Variants in GXYLT1 observed in about 807,000 individuals in gnomAD.
GXYLT1 encodes the protein glycosyltransferase 8 domain containing 3.
In GXYLT1, 29 loss-of-function variants were observed where a neutral mutation model predicts 54.0. That is an observed-to-expected ratio of 0.54 (90% CI 0.40 to 0.73). GXYLT1 has a LOEUF of 0.73. GXYLT1 is among the 30% of genes least tolerant of loss of function. The pLI is 0.00. For missense variants in GXYLT1, 490 were observed against 553.4 expected (o/e 0.89, Z 1.15); for synonymous variants, 176 against 204.1 (o/e 0.86, Z 1.17).
At chr12:42,092,171 T>A (rs553820607) in intron 7 of GXYLT1, among the ~76,000 whole-genome samples, 1 of 152,214 alleles carries the variant, frequency 6.6e-6, no homozygotes. Flanking sequence ...TGAGGCTACA[T>A]AGACCAGAGG....
At chr12:42,089,522 T>C (rs534478395) in intron 7 of GXYLT1, among the ~76,000 whole-genome samples, 1 of 152,312 alleles carries the variant, frequency 6.6e-6, no homozygotes, top group African/African-American at 2.4e-5. Flanking sequence ...TGTATATGTA[T>C]TAACACATTT....
At chr12:42,118,485 T>G (rs1299969973) in intron 3 of GXYLT1, among the ~76,000 whole-genome samples, 3 of 152,198 alleles carry the variant, frequency 2.0e-5, no homozygotes, top group African/African-American at 7.2e-5. Context: ...AGATCTGGAC[T>G]CAGATGGAAG....
intron 1 of GXYLT1, among the ~76,000 whole-genome samples, chr12:42,142,284 C>G (rs527768768): frequency 6.6e-6 from 1 of 151,818 alleles, no homozygotes; most frequent in East Asian, 1.9e-4. Context: ...ATGATTTATA[C>G]ATGAAGAGGT....
At chr12:42,117,133 T>C (rs1207859611) in intron 3 of GXYLT1, among the ~76,000 whole-genome samples, 1 of 117,030 alleles carries the variant, frequency 8.5e-6, no homozygotes, top group Admixed American at 8.8e-5. Flanking sequence ...TGTTGTGGGG[T>C]TGGGGGAGGG....
intron 2 of GXYLT1, among the ~76,000 whole-genome samples, chr12:42,123,326 A>G (rs1300811608): frequency 6.6e-6 from 1 of 152,334 alleles, no homozygotes; most frequent in East Asian, 1.9e-4. Context: ...GAATCTATGT[A>G]TTTAGGGGTG....
At chr12:42,123,290 G>T (rs1177479167) in intron 2 of GXYLT1, among the ~76,000 whole-genome samples, 1 of 152,160 alleles carries the variant, frequency 6.6e-6, no homozygotes, top group African/African-American at 2.4e-5. Flanking sequence ...ATTAAAGTAT[G>T]TCCCTGTTCT....
At chr12:42,089,659 T>C (rs2065318403) in intron 7 of GXYLT1, among the ~76,000 whole-genome samples, 1 of 152,136 alleles carries the variant, frequency 6.6e-6, no homozygotes, top group Non-Finnish European at 1.5e-5. Flanking sequence ...GCTCCAAAAG[T>C]CCATGCACTT....
intron 2 of GXYLT1, among the ~76,000 whole-genome samples, chr12:42,129,503 A>G (rs1389991986): frequency 6.6e-6 from 1 of 152,174 alleles, no homozygotes; most frequent in Non-Finnish European, 1.5e-5. Context: ...ACTGTTACCA[A>G]AAGTTAGATC....
chr12:42,089,958 C>T (rs2065320250), intron 7 of GXYLT1, among the ~76,000 whole-genome samples: 1 of 152,164 alleles, frequency 6.6e-6, no homozygotes, highest in South Asian at 2.1e-4. Flanking sequence ...CTACTATGAT[C>T]ATTATTTTTA....
In GXYLT1 at chr12:42,087,845, T is replaced by C. The variant is rs1210598776; in HGVS notation, c.1264A>G (p.Ile422Val). ...TYCGKIYKIF[I>V]KQLAKSVRDR... ...CTTACACTTTTTGCTAGTTGTTTGA[T>C]AAATATTTTGTAAATTTTTCCACAG... The change falls in exon 8 of 8, where the codon ATC becomes GTC. Residue 422 changes from isoleucine (I) to valine (V), a missense_variant. Coordinates refer to ENST00000398675, the MANE Select transcript of GXYLT1 (RefSeq NM_173601.2). The C allele has an allele frequency of 1.2e-6, 2 of 1,607,712 alleles. No homozygotes were observed. Among genetic ancestry groups the C allele is most frequent in the Non-Finnish European group, 1.7e-6 (2 of 1,177,094 alleles).
At chr12:42,097,407 A>G (rs753117564) in intron 7 of GXYLT1, 35 bp downstream of exon 7, 3 of 1,494,548 alleles carry the variant, frequency 2.0e-6, no homozygotes, top group South Asian at 2.6e-5. Flanking sequence ...GTATTTTCAA[A>G]CAAAAAGTTA....
At chr12:42,120,458 T>C (rs1226303) in intron 2 of GXYLT1, among the ~76,000 whole-genome samples, 117,286 of 152,194 alleles carry the variant, frequency 0.77, 45,567 homozygotes, top group African/African-American at 0.85. Context: ...CTTAAGTAAC[T>C]TTTAATACCT....
intron 1 of GXYLT1, 124 bp from the exon 2 acceptor site, chr12:42,129,975 A>C: frequency 1.7e-6 from 1 of 597,240 alleles, no homozygotes; most frequent in Non-Finnish European, 2.9e-6. Context: ...TATAAATCCA[A>C]ATTGCTATGA....
chr12:42,093,127 C>T (rs1031006835), intron 7 of GXYLT1, among the ~76,000 whole-genome samples: 2 of 152,174 alleles, frequency 1.3e-5, no homozygotes, highest in Admixed American at 6.5e-5. Flanking sequence ...GATGAAGTTT[C>T]GCTCCTTTTG....
intron 3 of GXYLT1, among the ~76,000 whole-genome samples, chr12:42,116,535 C>T (rs1265006810): frequency 6.6e-6 from 1 of 152,156 alleles, no homozygotes; most frequent in East Asian, 1.9e-4. Context: ...AAATGCTCAC[C>T]ATCACTGGCC....
At chr12:42,109,374 G>A (rs1018472617) in intron 4 of GXYLT1, among the ~76,000 whole-genome samples, 192 bp downstream of exon 4, 4 of 151,772 alleles carry the variant, frequency 2.6e-5, no homozygotes, top group African/African-American at 4.8e-5. Flanking sequence ...TCTTAACAGG[G>A]GTTTTTATTT....
At chr12:42,125,323 T>C (rs1470140068) in intron 2 of GXYLT1, among the ~76,000 whole-genome samples, 1 of 152,204 alleles carries the variant, frequency 6.6e-6, no homozygotes, top group East Asian at 1.9e-4. Flanking sequence ...CATGAGTCTC[T>C]GAGGCATTTG....
chr12:42,128,923 G>A (rs1289435961), intron 2 of GXYLT1, among the ~76,000 whole-genome samples: 1 of 151,974 alleles, frequency 6.6e-6, no homozygotes, highest in Admixed American at 6.6e-5. Context: ...CAATACTCCC[G>A]CCTCAGCCTC....
At chr12:42,105,731 T>G (rs2065415251) in intron 5 of GXYLT1, 87 bp downstream of exon 5, 4 of 889,362 alleles carry the variant, frequency 4.5e-6, no homozygotes, top group Non-Finnish European at 5.1e-6. Flanking sequence ...ATAGTTCAAT[T>G]TAGTTTTTAA....
Sources: gnomAD v4.1 joint callset for allele counts (sites outside exome capture counted in the v4.1 genomes callset) on GRCh38, gnomAD v4.1.1 for gene constraint, MANE v1.5 for transcripts, NCBI Gene and HGNC (gene_info 2026-07-23, HGNC 2026-07-21) for gene names.